TM9SF2: variants seen among roughly 807,000 people sequenced by gnomAD.
The protein encoded by TM9SF2 is transmembrane 9 superfamily member 2, also known as 76 kDa membrane protein.
A neutral mutation model predicts 84.9 loss-of-function variants in TM9SF2; 13 were observed. That is an observed-to-expected ratio of 0.15 (90% CI 0.10 to 0.24). TM9SF2 has a LOEUF of 0.24. Ranked by LOEUF, TM9SF2 falls within the 10% of genes least tolerant of loss-of-function variation. TM9SF2 has a pLI of 1.00. For missense variants in TM9SF2, 562 were observed against 818.5 expected (o/e 0.69, Z 3.82); for synonymous variants, 273 against 285.8 (o/e 0.96, Z 0.45).
At chr13:99,536,401 G>A (rs1405849576) in intron 4 of TM9SF2, among the ~76,000 whole-genome samples, 1 of 151,590 alleles carries the variant, frequency 6.6e-6, no homozygotes, top group Non-Finnish European at 1.5e-5. Flanking sequence ...CCAGCCTGTA[G>A]TTTTTTCCAT....
At chr13:99,520,221 AAGG>A (rs779644439) in intron 3 of TM9SF2, 92 bp downstream of exon 3, 1 of 1,060,570 alleles carries the variant, frequency 9.4e-7, no homozygotes, top group Admixed American at 2.5e-5. Context: ...TATCATTGCT[AAGG>A]AGGAGTTCAT....
chr13:99,508,958 C>A (rs1486948789), intron 1 of TM9SF2, among the ~76,000 whole-genome samples: 6 of 152,136 alleles, frequency 3.9e-5, no homozygotes, highest in Admixed American at 6.5e-5. Context: ...TTGCAAAATA[C>A]AATCATGCCT....
intron 9 of TM9SF2, among the ~76,000 whole-genome samples, chr13:99,542,035 A>G (rs1033349707): frequency 2.0e-5 from 3 of 152,024 alleles, no homozygotes; most frequent in Non-Finnish European, 2.9e-5. Context: ...CTGTAGCCCC[A>G]GCTACCTCGG....
chr13:99,558,658 C>T (rs7324288), intron 15 of TM9SF2, among the ~76,000 whole-genome samples: 3,772 of 151,900 alleles, frequency 0.025, 164 homozygotes, highest in African/African-American at 0.086. Flanking sequence ...AAAACAAAAC[C>T]GACTTTTGTA....
intron 4 of TM9SF2, among the ~76,000 whole-genome samples, chr13:99,533,998 C>A (rs9582319): frequency 0.025 from 3,781 of 152,230 alleles, 164 homozygotes; most frequent in African/African-American, 0.086. Flanking sequence ...GGGGCTTTAG[C>A]ACATAATTTG....
chr13:99,525,290 T>A (rs1325657623), intron 3 of TM9SF2, among the ~76,000 whole-genome samples: 1 of 152,204 alleles, frequency 6.6e-6, no homozygotes, highest in African/African-American at 2.4e-5. Context: ...TGTCCAGGCT[T>A]GAGTGCAGTG....
intron 12 of TM9SF2, among the ~76,000 whole-genome samples, chr13:99,549,710 C>T (rs2046297832): frequency 6.6e-6 from 1 of 152,242 alleles, no homozygotes; most frequent in Non-Finnish European, 1.5e-5. Flanking sequence ...CTCTCTGGAA[C>T]TGCTTCTCCT....
chr13:99,508,068 A>G (rs902333750), intron 1 of TM9SF2, among the ~76,000 whole-genome samples: 7 of 152,232 alleles, frequency 4.6e-5, no homozygotes, highest in Admixed American at 3.9e-4. Flanking sequence ...GAGAAATTTA[A>G]AAGGAAGACT....
At chr13:99,504,598 G>T (rs188766276) in intron 1 of TM9SF2, among the ~76,000 whole-genome samples, 53 of 152,274 alleles carry the variant, frequency 3.5e-4, no homozygotes, top group Admixed American at 1.5e-3. Context: ...AGAATCAGAA[G>T]AATGCTGAGG....
At chr13:99,518,938 G>A (rs1249092522) in intron 2 of TM9SF2, among the ~76,000 whole-genome samples, 2 of 151,934 alleles carry the variant, frequency 1.3e-5, no homozygotes, top group Admixed American at 6.6e-5. Context: ...TGTGAAAAAC[G>A]CTGCATGAAT....
chr13:99,536,286 C>T (rs1364772458), intron 4 of TM9SF2, among the ~76,000 whole-genome samples: 1 of 150,038 alleles, frequency 6.7e-6, no homozygotes, highest in African/African-American at 2.4e-5. Flanking sequence ...AAAAAAGGTA[C>T]GAAGTTTTTT....
At chr13:99,539,975 C>T (rs542528718) in intron 7 of TM9SF2, among the ~76,000 whole-genome samples, 9 of 152,250 alleles carry the variant, frequency 5.9e-5, no homozygotes, top group Admixed American at 1.3e-4. Flanking sequence ...TTTTCATTAA[C>T]GAAGTTTCTT....
At chr13:99,513,059 C>A (rs992222766) in intron 1 of TM9SF2, among the ~76,000 whole-genome samples, 16 of 152,148 alleles carry the variant, frequency 1.1e-4, no homozygotes, top group African/African-American at 3.6e-4. Context: ...GAAAGTATAT[C>A]TGAAGAGAAA....
At chr13:99,536,877 A>T in intron 5 of TM9SF2, 140 bp downstream of exon 5, 1 of 870,934 alleles carries the variant, frequency 1.1e-6, no homozygotes. Flanking sequence ...TTCAATCTTA[A>T]ACTTACAGCA....
At position 99,552,177 on chromosome 13, in the gene TM9SF2, GC is replaced by G; in HGVS notation, c.1340del (p.Ala447ValfsTer5). The G allele has an allele frequency of 6.2e-7, 1 of 1,613,402 alleles. No individual in the cohort carries two copies. Among genetic ancestry groups the G allele is most frequent in the Non-Finnish European group, 8.5e-7 (1 of 1,179,780 alleles). ...TSFLCPGIVF[A>X]DFFIMNLILW... ...TGTTGTGTCTTTCAGGATTGTATTT[GC>G]TGACTTCTTTATAATGAATCTGATC... On this transcript the variant is annotated frameshift_variant, in exon 13 of 17. Coordinates refer to ENST00000376387, the MANE Select transcript of TM9SF2 (RefSeq NM_004800.3). LOFTEE classifies it high-confidence loss of function.
chr13:99,547,692 G>A (rs1217275187), intron 11 of TM9SF2, among the ~76,000 whole-genome samples: 1 of 152,172 alleles, frequency 6.6e-6, no homozygotes, highest in Non-Finnish European at 1.5e-5. Context: ...AAAGGCTCAC[G>A]GCCACAGAGT....
At chr13:99,550,989 A>C (rs557546102) in intron 12 of TM9SF2, among the ~76,000 whole-genome samples, 224 of 152,328 alleles carry the variant, frequency 1.5e-3, no homozygotes, top group Non-Finnish European at 2.1e-3. Context: ...AAAGAACACC[A>C]ACACATTTTA....
rs1018276654 is a variant in TM9SF2, at chr13:99,511,383, G to T, written c.172-6231G>T. Among the ~76,000 whole-genome samples, 3 of 152,130 alleles carry T rather than the reference G, an allele frequency of 2.0e-5. No homozygotes were observed. In the East Asian group the frequency reaches 5.8e-4, roughly 29 times the overall value. On this transcript the variant is annotated intron_variant, in intron 1 of 16. Coordinates refer to ENST00000376387, the MANE Select transcript of TM9SF2 (RefSeq NM_004800.3). ...TTTATTGAACTATATAAACTCCCCG[G>T]CAGTCTCATTTCCTTTCTTCCAATT... is the stretch of plus-strand genomic sequence containing the variant.
chr13:99,524,431 G>A (rs1000197426), intron 3 of TM9SF2, among the ~76,000 whole-genome samples: 1 of 152,136 alleles, frequency 6.6e-6, no homozygotes, highest in Non-Finnish European at 1.5e-5. Context: ...GGAAGAGCCA[G>A]GTTGGGGGAT....
Sources: allele counts gnomAD v4.1 joint callset (sites outside exome capture counted in the v4.1 genomes callset), GRCh38; gene constraint gnomAD v4.1.1; transcripts MANE v1.5; gene names NCBI Gene and HGNC (gene_info 2026-07-23, HGNC 2026-07-21).